Variants in PPP1R9A observed in about 807,000 individuals in gnomAD.
PPP1R9A encodes protein phosphatase 1 regulatory subunit 9A.
In PPP1R9A, 59 loss-of-function variants were observed where a neutral mutation model predicts 141.9. The ratio of observed to expected loss-of-function variants is 0.42; its 90% CI spans 0.34 to 0.52. The LOEUF (loss-of-function observed/expected upper bound fraction) is 0.52. Among genes scored for constraint, PPP1R9A ranks in the 20% least tolerant of loss-of-function variants. The probability of loss-of-function intolerance (pLI) is 0.10; values close to 1 mark genes in which losing one functional copy is unlikely to be tolerated. For synonymous variants in PPP1R9A, 500 were observed against 569.7 expected, an observed-to-expected ratio of 0.88 and a Z score of 1.74; for missense variants, 1,444 against 1,611.9, an observed-to-expected ratio of 0.90 and a Z score of 1.78.
intron 2 of PPP1R9A, among the ~76,000 whole-genome samples, chr7:95,106,642 T>A (rs1056632339): frequency 5.3e-5 from 8 of 152,212 alleles, no homozygotes; most frequent in Non-Finnish European, 1.0e-4. Context: ...TTGAAATACA[T>A]CTTTGTACAC....
At chr7:95,093,724 T>A (rs1041291123) in intron 2 of PPP1R9A, among the ~76,000 whole-genome samples, 1 of 152,218 alleles carries the variant, frequency 6.6e-6, no homozygotes, top group Non-Finnish European at 1.5e-5. Flanking sequence ...TTTTTGGTAA[T>A]ACTTGATTCC....
In PPP1R9A at chr7:95,125,868, A is replaced by G. The variant is rs1277509121; in HGVS notation, c.1649+5036A>G. On this transcript the variant is annotated intron_variant, in intron 4 of 19. Coordinates refer to ENST00000433360, the MANE Select transcript of PPP1R9A (RefSeq NM_001166160.2). ...CTTTTGGGTAATACCAACATATACA[A>G]TAGATTAAAGAGTCCTATTCTTTTG... 3.3e-5 allele frequency among the ~76,000 whole-genome samples: 5 copies of G among 152,178 alleles called. No individual in the cohort carries two copies. The East Asian group carries it at 7.7e-4, about 24-fold the overall frequency.
At chr7:94,925,955 A>G (rs1309904704) in intron 2 of PPP1R9A, among the ~76,000 whole-genome samples, 1 of 152,064 alleles carries the variant, frequency 6.6e-6, no homozygotes, top group African/African-American at 2.4e-5. Context: ...GCTCTTGAGT[A>G]GCTGGGATTA....
At chr7:95,268,844 G>T in intron 13 of PPP1R9A, 137 bp downstream of exon 13, 1 of 1,011,834 alleles carries the variant, frequency 9.9e-7, no homozygotes, top group East Asian at 2.7e-5. Flanking sequence ...TCACGTCTTT[G>T]TCTCCTGAAT....
intron 2 of PPP1R9A, among the ~76,000 whole-genome samples, chr7:94,927,577 T>A (rs1319166069): frequency 6.6e-6 from 1 of 152,228 alleles, no homozygotes. Flanking sequence ...AGAAGCATTG[T>A]CTTCTGAGTT....
intron 4 of PPP1R9A, among the ~76,000 whole-genome samples, chr7:95,134,088 C>T (rs1278185279): frequency 6.6e-6 from 1 of 152,030 alleles, no homozygotes; most frequent in African/African-American, 2.4e-5. Flanking sequence ...CAACGATAGA[C>T]TGGATAAAGA....
intron 2 of PPP1R9A, among the ~76,000 whole-genome samples, chr7:94,990,458 G>A (rs1006099604): frequency 6.6e-6 from 1 of 151,844 alleles, no homozygotes; most frequent in Non-Finnish European, 1.5e-5. Flanking sequence ...AAACTGACAC[G>A]TAATAATTGT....
intron 2 of PPP1R9A, among the ~76,000 whole-genome samples, chr7:95,059,081 C>T (rs1042353614): frequency 2.0e-5 from 3 of 152,186 alleles, no homozygotes; most frequent in South Asian, 4.1e-4. Flanking sequence ...TGAGCCACCA[C>T]ACCCAGACTC....
At chr7:95,003,930 TA>T (rs1034550107) in intron 2 of PPP1R9A, among the ~76,000 whole-genome samples, 15 of 152,134 alleles carry the variant, frequency 9.9e-5, no homozygotes, top group South Asian at 2.1e-4. Flanking sequence ...GTACTTATTC[TA>T]AAAGATCAAG....
chr7:94,963,858 G>A (rs1378820583), intron 2 of PPP1R9A, among the ~76,000 whole-genome samples: 1 of 130,750 alleles, frequency 7.6e-6, no homozygotes, highest in African/African-American at 2.6e-5. Flanking sequence ...GGCCTCATGT[G>A]GGGGCATTGT....
chr7:95,228,673 A>G (rs1006588455), intron 8 of PPP1R9A, among the ~76,000 whole-genome samples: 2 of 152,202 alleles, frequency 1.3e-5, no homozygotes, highest in Non-Finnish European at 2.9e-5. Flanking sequence ...AAATATTTGA[A>G]TCACTTTATA....
In PPP1R9A at chr7:94,983,510, C is replaced by T. The variant is rs141565356; in HGVS notation, c.1395+72002C>T. Among the ~76,000 whole-genome samples, 913 of 152,162 alleles carry T rather than the reference C, an allele frequency of 6.0e-3. 5 individuals are homozygous for T. Among genetic ancestry groups the T allele is most frequent in the Non-Finnish European group, 9.8e-3 (667 of 68,022 alleles). On this transcript the variant is annotated intron_variant, in intron 2 of 19. Coordinates refer to ENST00000433360, the MANE Select transcript of PPP1R9A (RefSeq NM_001166160.2). Reference sequence around the variant, plus strand: ...TTGTGTCATCTTTTATTTCATTGAGCAGTGGTTTGTAGTTCTCCTTGAAGA... The same window carrying T: ...TTGTGTCATCTTTTATTTCATTGAGTAGTGGTTTGTAGTTCTCCTTGAAGA...
At chr7:95,272,408 ATTTT>A (rs893007281) in intron 14 of PPP1R9A, among the ~76,000 whole-genome samples, 1 of 152,162 alleles carries the variant, frequency 6.6e-6, no homozygotes, top group South Asian at 2.1e-4. Context: ...ATGTCTATGG[ATTTT>A]TTTATATGAT....
intron 2 of PPP1R9A, among the ~76,000 whole-genome samples, chr7:95,094,588 G>C (rs1353247759): frequency 6.6e-6 from 1 of 151,950 alleles, no homozygotes; most frequent in Non-Finnish European, 1.5e-5. Context: ...TCCTTTTAAA[G>C]ATAGAAACAG....
intron 9 of PPP1R9A, 49 bp downstream of exon 9, chr7:95,247,575 A>G (rs756146791): frequency 1.8e-5 from 26 of 1,428,538 alleles, no homozygotes; most frequent in Middle Eastern, 2.2e-4. Context: ...AACTTCAGAT[A>G]CTATGAATAA....
At chr7:95,004,203 A>G (rs1803306278) in intron 2 of PPP1R9A, among the ~76,000 whole-genome samples, 1 of 152,120 alleles carries the variant, frequency 6.6e-6, no homozygotes. Context: ...AAATATATGA[A>G]TGGAGCAGAT....
intron 8 of PPP1R9A, among the ~76,000 whole-genome samples, chr7:95,245,715 T>C (rs1798034023): frequency 6.6e-6 from 1 of 152,186 alleles, no homozygotes; most frequent in Non-Finnish European, 1.5e-5. Flanking sequence ...CCAGGTGCAC[T>C]AATACTCTGA....
intron 4 of PPP1R9A, among the ~76,000 whole-genome samples, chr7:95,130,490 A>G (rs1824389046): frequency 6.6e-6 from 1 of 152,158 alleles, no homozygotes; most frequent in Non-Finnish European, 1.5e-5. Context: ...GTGGAAGGGA[A>G]ATGTGGGGTC....
chr7:95,216,452 C>G (rs1793441240), intron 7 of PPP1R9A, among the ~76,000 whole-genome samples: 1 of 152,086 alleles, frequency 6.6e-6, no homozygotes, highest in African/African-American at 2.4e-5. Context: ...AATGCAGGCT[C>G]TTTTTTGGTT....
Sources: allele counts gnomAD v4.1 joint callset (sites outside exome capture counted in the v4.1 genomes callset), GRCh38; gene constraint gnomAD v4.1.1; transcripts MANE v1.5; gene names NCBI Gene and HGNC (gene_info 2026-07-23, HGNC 2026-07-21).